The following HDX variants were observed in gnomAD, a reference collection of about 807,000 sequenced individuals.
HDX encodes the protein highly divergent homeobox.
In HDX, 19 loss-of-function variants were observed where a neutral mutation model predicts 45.2. The ratio of observed to expected loss-of-function variants is 0.42; its 90% confidence interval spans 0.29 to 0.62. The LOEUF is 0.62. Ranked by LOEUF, HDX falls within the 20% of genes least tolerant of loss-of-function variation. The pLI, the probability that HDX is intolerant of heterozygous loss-of-function variation, is 0.20. For missense variants in HDX, 532 were observed against 493.9 expected, an observed-to-expected ratio of 1.08 and a Z score of -0.73; for synonymous variants, 188 against 172.8, an observed-to-expected ratio of 1.09 and a Z score of -0.69.
intron 5 of HDX, among the ~76,000 whole-genome samples, chrX:84,420,028 G>A (rs1044551630): frequency 2.7e-5 from 3 of 111,422 alleles, no homozygotes; most frequent in African/African-American, 9.8e-5. Context: ...TATCTGGAAA[G>A]GACAGCTACA....
intron 5 of HDX, among the ~76,000 whole-genome samples, chrX:84,387,815 A>C (rs962572149): frequency 1.1e-4 from 12 of 111,586 alleles, no homozygotes; most frequent in Non-Finnish European, 1.3e-4. Context: ...GCCCATTTAC[A>C]TTCAGGGTTG....
At chrX:84,363,968 T>C (rs1226593966) in intron 5 of HDX, among the ~76,000 whole-genome samples, 1 of 111,617 alleles carries the variant, frequency 9.0e-6, no homozygotes, top group African/African-American at 3.3e-5. Context: ...TTTAGCCAGG[T>C]AACCAGATAA....
chrX:84,326,380 A>T, intron 9 of HDX, 80 bp from the exon 10 acceptor site: 1 of 715,240 alleles, frequency 1.4e-6, no homozygotes, highest in Admixed American at 3.1e-5. Flanking sequence ...ATAAAATTCT[A>T]AAAAACCATC....
At chrX:84,366,388 G>T (rs773842188) in intron 5 of HDX, among the ~76,000 whole-genome samples, 3 of 111,730 alleles carry the variant, frequency 2.7e-5, no homozygotes, top group Non-Finnish European at 5.6e-5. Flanking sequence ...AATCAATATC[G>T]TGAAAATGGC....
chrX:84,365,819 T>G (rs2037736199), intron 5 of HDX, among the ~76,000 whole-genome samples: 1 of 111,212 alleles, frequency 9.0e-6, no homozygotes, highest in Admixed American at 9.6e-5. Context: ...AACTAGGTAT[T>G]GATGGAATGT....
intron 5 of HDX, among the ~76,000 whole-genome samples, chrX:84,422,242 C>T (rs763842359): frequency 8.9e-6 from 1 of 111,842 alleles, no homozygotes; most frequent in African/African-American, 3.2e-5. Flanking sequence ...TATGCAAATA[C>T]ATGGAAATTA....
At chrX:84,454,466 C>G (rs1219819737) in intron 4 of HDX, among the ~76,000 whole-genome samples, 1 of 111,315 alleles carries the variant, frequency 9.0e-6, no homozygotes, top group Non-Finnish European at 1.9e-5. Context: ...GAGGTGGTGG[C>G]GGCCAAGAGG....
intron 2 of HDX, among the ~76,000 whole-genome samples, chrX:84,485,320 C>G (rs141924939): frequency 0.015 from 1,649 of 111,801 alleles, 23 homozygotes; most frequent in African/African-American, 0.051. Flanking sequence ...CTTTTTCTAT[C>G]AATTACTAAA....
At chrX:84,471,618 T>C (rs780291363) in intron 3 of HDX, among the ~76,000 whole-genome samples, 48 of 109,593 alleles carry the variant, frequency 4.4e-4, no homozygotes, top group Admixed American at 9.8e-4. Flanking sequence ...CTACCCTACA[T>C]GTAGTGGTTA....
In HDX at chrX:84,336,791, C is replaced by T; in HGVS notation, c.1740+10G>A. 2 of 1,096,041 alleles carry T rather than the reference C, an allele frequency of 1.8e-6. No individual in the cohort carries two copies. The highest frequency in any genetic ancestry group is 2.5e-6 in the Non-Finnish European group (2 of 801,545). The allele number at this position is 1,096,041 out of a possible 1,213,427, so 90.3% of individuals were successfully genotyped here. A position where few individuals can be genotyped will look rare whatever the true frequency, so the allele number is the denominator to read the frequency against. On this transcript the variant is annotated intron_variant, in intron 8 of 10. Transcript: ENST00000373177. ...CATGTAATGAGAAAAGAATTTCAAA[C>T]TGTACATACCACATTATCTGTGGTT...
At chrX:84,428,270 C>T (rs1569336352) in intron 5 of HDX, among the ~76,000 whole-genome samples, 1 of 110,484 alleles carries the variant, frequency 9.1e-6, no homozygotes, top group Admixed American at 9.7e-5. Flanking sequence ...AACTTCATTG[C>T]AGTACATTTG....
At chrX:84,335,368 A>G (rs1223936007) in intron 8 of HDX, among the ~76,000 whole-genome samples, 3 of 110,945 alleles carry the variant, frequency 2.7e-5, no homozygotes, top group Non-Finnish European at 3.8e-5. Context: ...AATTGGGAGC[A>G]CTCAAAAGTT....
chrX:84,349,613 A>G (rs1034848793), intron 6 of HDX, among the ~76,000 whole-genome samples: 7 of 90,264 alleles, frequency 7.8e-5, no homozygotes, highest in African/African-American at 1.2e-4. Context: ...GTGTGTGTAT[A>G]TATATATATA....
intron 1 of HDX, among the ~76,000 whole-genome samples, 176 bp from the exon 2 acceptor site, chrX:84,488,308 C>T (rs1411412217): frequency 1.1e-5 from 1 of 89,974 alleles, no homozygotes; most frequent in Non-Finnish European, 2.2e-5. Flanking sequence ...GCTGATATTA[C>T]TGGTTTAAAA....
At chrX:84,340,387 C>G (rs138078290) in intron 7 of HDX, among the ~76,000 whole-genome samples, 1,837 of 110,715 alleles carry the variant, frequency 0.017, 32 homozygotes, top group African/African-American at 0.057. Context: ...TTAGATAATG[C>G]TACTGAATCA....
At chrX:84,360,779 A>T (rs1275870246) in intron 6 of HDX, among the ~76,000 whole-genome samples, 1 of 112,118 alleles carries the variant, frequency 8.9e-6, no homozygotes, top group Non-Finnish European at 1.9e-5. Context: ...ATAATAGTCC[A>T]TTATATGCAT....
intron 8 of HDX, among the ~76,000 whole-genome samples, chrX:84,334,451 A>T (rs1025655425): frequency 2.7e-5 from 3 of 110,237 alleles, no homozygotes; most frequent in Non-Finnish European, 5.7e-5. Context: ...AGGAAAAGGG[A>T]GAAAGAGAAA....
At chrX:84,452,715 T>G (rs1291402743) in intron 4 of HDX, among the ~76,000 whole-genome samples, 1 of 111,448 alleles carries the variant, frequency 9.0e-6, no homozygotes, top group Non-Finnish European at 1.9e-5. Context: ...AGTAAGAATG[T>G]GTGTTAGAGA....
chrX:84,443,648 T>G (rs2039809443), intron 4 of HDX, among the ~76,000 whole-genome samples: 1 of 111,903 alleles, frequency 8.9e-6, no homozygotes, highest in African/African-American at 3.2e-5. Context: ...CAGCCCCAAT[T>G]GAACATTCAT....
Sources: allele counts gnomAD v4.1 joint callset (sites outside exome capture counted in the v4.1 genomes callset), GRCh38; gene constraint gnomAD v4.1.1; transcripts MANE v1.5; gene names NCBI Gene and HGNC (gene_info 2026-07-23, HGNC 2026-07-21).